The following MBD5 variants were observed in gnomAD, a reference collection of about 807,000 sequenced individuals.
MBD5 encodes methyl-CpG-binding domain protein 5.
In MBD5, 13 loss-of-function variants were observed where a neutral mutation model predicts 117.3. The ratio of observed to expected loss-of-function variants is 0.11; its 90% CI spans 0.07 to 0.18. The LOEUF (loss-of-function observed/expected upper bound fraction) is 0.18. Among genes scored for constraint, MBD5 ranks in the 10% least tolerant of loss-of-function variants. The pLI is 1.00. For synonymous variants in MBD5, 727 were observed against 766.4 expected (o/e 0.95, Z 0.85); for missense variants, 1,879 against 2,093.8 (o/e 0.90, Z 2.00).
At chr2:148,325,908 G>C (rs1472148465) in intron 3 of MBD5, among the ~76,000 whole-genome samples, 1 of 152,056 alleles carries the variant, frequency 6.6e-6, no homozygotes, top group Non-Finnish European at 1.5e-5. Flanking sequence ...TGCTTTTCTA[G>C]TTCTTTTAAT....
chr2:148,088,692 A>G (rs1303084059), intron 1 of MBD5, among the ~76,000 whole-genome samples: 2 of 152,218 alleles, frequency 1.3e-5, no homozygotes, highest in Non-Finnish European at 2.9e-5. Flanking sequence ...GAACACTACA[A>G]GAAATGCTAA....
intron 11 of MBD5, 55 bp downstream of exon 11, chr2:148,490,649 T>C (rs920337654): frequency 6.3e-7 from 1 of 1,598,556 alleles, no homozygotes; most frequent in Non-Finnish European, 8.6e-7. Context: ...ATATCAATTA[T>C]TGCTTTTTGT....
intron 4 of MBD5, among the ~76,000 whole-genome samples, chr2:148,355,139 A>G (rs1462372534): frequency 6.6e-6 from 1 of 151,352 alleles, no homozygotes; most frequent in East Asian, 2.0e-4. Context: ...TTTCTTGTAA[A>G]TTTTTTTAAG....
chr2:148,077,910 C>G (rs973919606), intron 1 of MBD5, among the ~76,000 whole-genome samples: 4 of 151,982 alleles, frequency 2.6e-5, no homozygotes, highest in African/African-American at 9.7e-5. Flanking sequence ...AGTTGGGAGA[C>G]TCGATAGATT....
chr2:148,396,454 G>C (rs1017417806), intron 4 of MBD5, among the ~76,000 whole-genome samples: 3 of 152,202 alleles, frequency 2.0e-5, no homozygotes, highest in African/African-American at 7.2e-5. Flanking sequence ...CTTTCACAGT[G>C]CTGCTCATAA....
intron 1 of MBD5, among the ~76,000 whole-genome samples, chr2:148,110,310 T>C (rs1002761939): frequency 1.3e-5 from 2 of 152,192 alleles, no homozygotes; most frequent in Non-Finnish European, 2.9e-5. Flanking sequence ...GTCTAAATCT[T>C]TTCTGGTAGT....
At chr2:148,305,855 G>A (rs908490268) in intron 3 of MBD5, among the ~76,000 whole-genome samples, 8 of 152,132 alleles carry the variant, frequency 5.3e-5, no homozygotes, top group African/African-American at 1.9e-4. Context: ...AGTATATAAT[G>A]AAACCTCAAA....
intron 4 of MBD5, among the ~76,000 whole-genome samples, chr2:148,368,314 T>G (rs1280839704): frequency 6.6e-6 from 1 of 151,830 alleles, no homozygotes; most frequent in Non-Finnish European, 1.5e-5. Flanking sequence ...CATCACACAC[T>G]GGGGCCTGTC....
At chr2:148,116,388 G>A (rs1574031078) in intron 1 of MBD5, among the ~76,000 whole-genome samples, 1 of 152,090 alleles carries the variant, frequency 6.6e-6, no homozygotes, top group Non-Finnish European at 1.5e-5. Flanking sequence ...GAAATGTCCT[G>A]CCAGACCTCA....
chr2:148,395,391 A>T (rs1395971834), intron 4 of MBD5, among the ~76,000 whole-genome samples: 1 of 141,594 alleles, frequency 7.1e-6, no homozygotes, highest in South Asian at 2.3e-4. Flanking sequence ...CTTAGTTTAT[A>T]CTCCTAATGA....
At chr2:148,435,113 G>A (rs1706116396) in intron 4 of MBD5, among the ~76,000 whole-genome samples, 1 of 151,942 alleles carries the variant, frequency 6.6e-6, no homozygotes, top group African/African-American at 2.4e-5. Flanking sequence ...TTATTTTCTT[G>A]GTAGATTTTT....
intron 1 of MBD5, chr2:148,025,561 A>AC (rs1160523075): frequency 6.6e-6 from 1 of 150,698 alleles, no homozygotes; most frequent in African/African-American, 2.4e-5. Flanking sequence ...AAAAAAAAAA[A>AC]CACCCCAAAC....
chr2:148,468,215 T>C, intron 7 of MBD5, 126 bp from the exon 8 acceptor site: 1 of 725,652 alleles, frequency 1.4e-6, no homozygotes, highest in South Asian at 1.6e-5. Flanking sequence ...AGCTTTTATT[T>C]ACAGATTCCT....
chr2:148,467,495 A>G (rs1449208370), intron 7 of MBD5, among the ~76,000 whole-genome samples: 1 of 152,174 alleles, frequency 6.6e-6, no homozygotes, highest in African/African-American at 2.4e-5. Context: ...CTATCCTAAT[A>G]AAAGAATTGA....
intron 1 of MBD5, among the ~76,000 whole-genome samples, chr2:148,033,914 T>C (rs1471119200): frequency 6.6e-6 from 1 of 152,226 alleles, no homozygotes; most frequent in Non-Finnish European, 1.5e-5. Flanking sequence ...AATACCAGCA[T>C]TGATTCATTT....
chr2:148,504,182 C>T (rs1339588111), intron 12 of MBD5, among the ~76,000 whole-genome samples: 1 of 152,006 alleles, frequency 6.6e-6, no homozygotes, highest in Non-Finnish European at 1.5e-5. Flanking sequence ...GAATTCTCCT[C>T]ATGATAACCA....
At chr2:148,443,421 A>G (rs1216958060) in intron 4 of MBD5, among the ~76,000 whole-genome samples, 1 of 151,022 alleles carries the variant, frequency 6.6e-6, no homozygotes. Context: ...GGAAATCTGT[A>G]TCAGATATCT....
intron 4 of MBD5, among the ~76,000 whole-genome samples, chr2:148,368,685 T>A (rs960227061): frequency 3.9e-5 from 6 of 151,958 alleles, no homozygotes; most frequent in Non-Finnish European, 8.8e-5. Flanking sequence ...AATAATGAAT[T>A]ATAACACACT....
chr2:148,228,336 G>A lies in MBD5; in HGVS notation c.-830-4909G>A, dbSNP rs534196057. Among the ~76,000 whole-genome samples the A allele has an allele frequency of 2.6e-5, 4 of 152,240 alleles. No individual in the cohort carries two copies. The South Asian group carries it at 8.3e-4, about 32-fold the overall frequency. On this transcript the variant is annotated intron_variant, in intron 2 of 13. Transcript: ENST00000642680. ...TTAGCATGAAGCATTGTTGAATTTT[G>A]TCAAGGGCCTTTTCTGCATCTATTG...
Sources: allele counts gnomAD v4.1 joint callset (sites outside exome capture counted in the v4.1 genomes callset), GRCh38; gene constraint gnomAD v4.1.1; transcripts MANE v1.5; gene names NCBI Gene and HGNC (gene_info 2026-07-23, HGNC 2026-07-21).